Variants in SH3D19 observed in about 807,000 individuals in gnomAD.
SH3D19 encodes SH3 domain-containing protein 19.
SH3D19 carries 58 observed loss-of-function variants against 112.1 expected under a neutral mutation model. That is an observed-to-expected ratio of 0.52 (90% CI 0.42 to 0.64). The LOEUF is 0.64. Among genes scored for constraint, SH3D19 ranks in the 30% least tolerant of loss-of-function variants. The probability of loss-of-function intolerance (pLI) is 0.00; values close to 1 mark genes in which losing one functional copy is unlikely to be tolerated. For synonymous variants in SH3D19, 391 were observed against 448.5 expected (o/e 0.87, Z 1.62); for missense variants, 1,090 against 1,263.4 (o/e 0.86, Z 2.08).
intron 2 of SH3D19, among the ~76,000 whole-genome samples, chr4:151,223,193 CT>C (rs34770104): frequency 0.018 from 2,571 of 144,868 alleles, 62 homozygotes; most frequent in African/African-American, 0.058. Flanking sequence ...TTCCCAACAA[CT>C]TTTTTTTTTT....
intron 2 of SH3D19, among the ~76,000 whole-genome samples, chr4:151,223,908 CTGTTT>C (rs1768508816): frequency 6.6e-6 from 1 of 152,118 alleles, no homozygotes; most frequent in African/African-American, 2.4e-5. Flanking sequence ...GCATGGGATT[CTGTTT>C]TGTTTTGTTT....
At chr4:151,176,239 C>T (rs941858250) in intron 6 of SH3D19, among the ~76,000 whole-genome samples, 1 of 152,140 alleles carries the variant, frequency 6.6e-6, no homozygotes, top group Non-Finnish European at 1.5e-5. Context: ...ATATAAGATC[C>T]TTCTCAGAGG....
chr4:151,129,126 T>C (rs1750059758), intron 17 of SH3D19, among the ~76,000 whole-genome samples: 1 of 152,226 alleles, frequency 6.6e-6, no homozygotes, highest in Non-Finnish European at 1.5e-5. Flanking sequence ...TTCCCAGGTC[T>C]TTACTTGATT....
rs1378543362 is a variant in SH3D19, at chr4:151,125,496, A to ACC, written c.3027+2121_3027+2122insGG. ...CAAAACAAAACAAAACAAAACCAAA[A>ACC]AAAAAAAAAAAGAAAGAAAGAAAGA... On this transcript the variant is annotated intron_variant, in intron 19 of 19. Transcript: ENST00000604030. Among the ~76,000 whole-genome samples the ACC allele has an allele frequency of 4.7e-3, 394 of 83,614 alleles. 12 individuals are homozygous for ACC. The East Asian group carries it at 0.1, about 22-fold the overall frequency. 54.9% of individuals were successfully genotyped at this position (83,614 alleles called of 152,430 possible).
intron 19 of SH3D19, among the ~76,000 whole-genome samples, chr4:151,127,182 G>A (rs1169470358): frequency 6.6e-6 from 1 of 152,160 alleles, no homozygotes; most frequent in Non-Finnish European, 1.5e-5. Flanking sequence ...AAGGAATTTA[G>A]TGTCTTATGA....
chr4:151,317,890 C>G (rs138522057), intron 1 of SH3D19, among the ~76,000 whole-genome samples: 15 of 152,126 alleles, frequency 9.9e-5, no homozygotes, highest in Non-Finnish European at 2.2e-4. Flanking sequence ...ACTTGGGAGG[C>G]TGACGCAGGA....
intron 1 of SH3D19, among the ~76,000 whole-genome samples, chr4:151,251,540 T>C (rs1035845920): frequency 3.9e-5 from 6 of 152,156 alleles, no homozygotes; most frequent in African/African-American, 1.4e-4. Context: ...AGAAGGCCAA[T>C]TCCAATAATT....
At chr4:151,279,135 C>A in intron 1 of SH3D19, 1 of 435,134 alleles carries the variant, frequency 2.3e-6, no homozygotes, top group East Asian at 7.4e-5. Flanking sequence ...AGGCCAGCAC[C>A]CTGCAGCAGC....
In SH3D19 at chr4:151,282,240, T is replaced by C; in HGVS notation, c.112+43001A>G. On this transcript the variant is annotated intron_variant, in intron 1 of 19. Coordinates refer to ENST00000604030, the MANE Select transcript of SH3D19 (RefSeq NM_001378122.1). ...GTGAAGTACTACGTGTCCAAAATCG[T>C]CATCCATCCCAAGTACCAAGATACA... 3 of 1,613,944 alleles carry C rather than the reference T, an allele frequency of 1.9e-6. No homozygotes were observed. The South Asian group carries it at 3.3e-5, about 18-fold the overall frequency.
chr4:151,149,243 T>C (rs1456733396), intron 10 of SH3D19, among the ~76,000 whole-genome samples: 1 of 152,166 alleles, frequency 6.6e-6, no homozygotes, highest in Non-Finnish European at 1.5e-5. Context: ...TGGAGCTGTT[T>C]TAAGTTCAGA....
intron 1 of SH3D19, among the ~76,000 whole-genome samples, chr4:151,290,501 A>G (rs2150018381): frequency 6.6e-6 from 1 of 152,364 alleles, no homozygotes; most frequent in South Asian, 2.1e-4. Flanking sequence ...CCATAGAGGC[A>G]GAGAGTGGAC....
chr4:151,283,413 T>C, intron 1 of SH3D19: 2 of 743,096 alleles, frequency 2.7e-6, no homozygotes, highest in South Asian at 2.0e-5. Context: ...ACTCTTATGT[T>C]ACCCTGGACA....
At chr4:151,241,041 T>C (rs1770509364) in intron 1 of SH3D19, among the ~76,000 whole-genome samples, 1 of 151,722 alleles carries the variant, frequency 6.6e-6, no homozygotes, top group Non-Finnish European at 1.5e-5. Context: ...TCCCAACACT[T>C]TGGGAGGCTG....
chr4:151,272,340 C>T lies in SH3D19; in HGVS notation c.113-46254G>A, dbSNP rs191318884. On this transcript the variant is annotated intron_variant, in intron 1 of 19. Transcript: ENST00000604030. ...AAGGTAATAAGGTAATACAGCCATACCCATGAAAACGAAAGAATAGCACTG... is the reference window on the plus strand; with the variant it reads ...AAGGTAATAAGGTAATACAGCCATATCCATGAAAACGAAAGAATAGCACTG... Among the ~76,000 whole-genome samples the T allele has an allele frequency of 2.0e-5, 3 of 152,140 alleles. No individual in the cohort carries two copies. The East Asian group carries it at 5.8e-4, about 29-fold the overall frequency.
chr4:151,230,075 T>C (rs1305452298), intron 1 of SH3D19, among the ~76,000 whole-genome samples: 5 of 152,208 alleles, frequency 3.3e-5, no homozygotes, highest in African/African-American at 1.2e-4. Flanking sequence ...GATGCTATCA[T>C]GGGTCAAGGA....
intron 1 of SH3D19, among the ~76,000 whole-genome samples, chr4:151,257,636 G>T (rs1772038807): frequency 6.6e-6 from 1 of 152,072 alleles, no homozygotes; most frequent in African/African-American, 2.4e-5. Context: ...AGTAACCGTG[G>T]CTGGGTGCGG....
At chr4:151,147,874 T>G (rs749212107) in intron 11 of SH3D19, 48 bp downstream of exon 11, 6 of 1,544,972 alleles carry the variant, frequency 3.9e-6, no homozygotes, top group Non-Finnish European at 5.2e-6. Context: ...GTATATATAC[T>G]TTAGGGCACA....
intron 1 of SH3D19, among the ~76,000 whole-genome samples, chr4:151,237,114 A>G (rs1770139961): frequency 1.3e-5 from 2 of 152,120 alleles, no homozygotes; most frequent in African/African-American, 4.8e-5. Context: ...TGCACCGCGA[A>G]AGTCTGCAGC....
At chr4:151,125,492 CAA>C (rs112707542) in intron 19 of SH3D19, among the ~76,000 whole-genome samples, 38 of 119,954 alleles carry the variant, frequency 3.2e-4, no homozygotes, top group African/African-American at 1.3e-3. Context: ...AAAACAAAAC[CAA>C]AAAAAAAAAA....
Sources: gnomAD v4.1 joint callset for allele counts (sites outside exome capture counted in the v4.1 genomes callset) on GRCh38, gnomAD v4.1.1 for gene constraint, MANE v1.5 for transcripts, NCBI Gene and HGNC (gene_info 2026-07-23, HGNC 2026-07-21) for gene names.